The following USP38 variants were observed in gnomAD, a reference collection of about 807,000 sequenced individuals.
USP38 encodes ubiquitin specific peptidase 38.
Under a neutral mutation model 94.3 loss-of-function variants are expected in USP38, and 49 were observed. The ratio of observed to expected loss-of-function variants is 0.52; its 90% CI spans 0.41 to 0.66. The LOEUF is 0.66. Ranked by LOEUF, USP38 falls within the 30% of genes least tolerant of loss-of-function variation. The probability of loss-of-function intolerance (pLI) is 0.00; values close to 1 mark genes in which losing one functional copy is unlikely to be tolerated. For synonymous variants in USP38, 468 were observed against 463.6 expected (o/e 1.01, Z -0.12); for missense variants, 1,128 against 1,229.4 (o/e 0.92, Z 1.23).
intron 2 of USP38, among the ~76,000 whole-genome samples, chr4:143,188,272 ATTTC>A (rs989924319): frequency 1.3e-5 from 2 of 151,726 alleles, no homozygotes; most frequent in Non-Finnish European, 2.9e-5. Flanking sequence ...CCTGCAACCT[ATTTC>A]TTTCTTCTGC....
chr4:143,211,589 GAA>G (rs1358045361), intron 7 of USP38, among the ~76,000 whole-genome samples: 1 of 152,122 alleles, frequency 6.6e-6, no homozygotes, highest in African/African-American at 2.4e-5. Flanking sequence ...TCTTAACTGA[GAA>G]CTTCATTGTT....
Position 143,197,097 on chromosome 4 carries a change from T to G in USP38, c.949-726T>G, listed in dbSNP as rs75053860. On this transcript the variant is annotated intron_variant, in intron 3 of 9. Coordinates refer to ENST00000307017, the MANE Select transcript of USP38 (RefSeq NM_032557.6). Reference sequence around the variant, plus strand: ...CTTTTTCTCTAGTCCCATTTCCCACTGTTACTGCCTCGGTCTCTTGCTTCA... The same window carrying G: ...CTTTTTCTCTAGTCCCATTTCCCACGGTTACTGCCTCGGTCTCTTGCTTCA... Among the ~76,000 whole-genome samples the G allele has an allele frequency of 1.1e-4, 17 of 152,328 alleles. No homozygotes were observed. In the East Asian group the frequency reaches 3.3e-3, roughly 29 times the overall value.
intron 2 of USP38, among the ~76,000 whole-genome samples, chr4:143,194,978 A>G (rs1160578000): frequency 2.0e-5 from 3 of 151,854 alleles, no homozygotes; most frequent in African/African-American, 7.3e-5. Flanking sequence ...TGAAGCCATT[A>G]CAATATTTAC....
chr4:143,220,173 A>G (rs1436683450), intron 9 of USP38, 122 bp from the exon 10 acceptor site: 1 of 1,125,692 alleles, frequency 8.9e-7, no homozygotes, highest in Non-Finnish European at 1.2e-6. Context: ...TTTAGTTTCA[A>G]AGTTATTGAG....
At chr4:143,217,749 G>A (rs1216060833) in intron 9 of USP38, among the ~76,000 whole-genome samples, 3 of 152,158 alleles carry the variant, frequency 2.0e-5, no homozygotes, top group Admixed American at 2.0e-4. Context: ...GCTCTTTTGA[G>A]TATTGGCAAG....
chr4:143,194,164 T>A (rs1731477639), intron 2 of USP38, among the ~76,000 whole-genome samples: 1 of 152,280 alleles, frequency 6.6e-6, no homozygotes, highest in African/African-American at 2.4e-5. Context: ...TTAGTGTTTA[T>A]ATTTACATTT....
intron 4 of USP38, 133 bp from the exon 5 acceptor site, chr4:143,203,275 C>A: frequency 1.1e-6 from 1 of 898,026 alleles, no homozygotes; most frequent in Non-Finnish European, 1.6e-6. Flanking sequence ...AACTTAATAA[C>A]AAGAAAAACT....
Position 143,185,731 on chromosome 4 carries a change from A to C in USP38, c.281A>C (p.His94Pro). Residue 94 changes from histidine to proline, a missense_variant, in exon 1 of 10, where the codon CAC becomes CCC. By Grantham distance (77) the His-to-Pro change is moderately conservative. Transcript: ENST00000307017. ...TTGGGCCTCCTTCATCAGGGCTACC[A>C]CTCTCTGGACAGGAAGGATGTAGCC... ...FVLGLLHQGYHSLDRKDVAIL... is the reference protein window; with the variant it reads ...FVLGLLHQGYPSLDRKDVAIL... 6.2e-7 allele frequency: 1 copy of C among 1,613,954 alleles called. No homozygotes were observed. Among genetic ancestry groups the C allele is most frequent in the African/African-American group, 1.3e-5 (1 of 74,948 alleles).
intron 6 of USP38, 151 bp downstream of exon 6, chr4:143,206,377 G>A: frequency 2.9e-6 from 2 of 693,726 alleles, no homozygotes; most frequent in South Asian, 3.3e-5. Flanking sequence ...ACTGCTTTTA[G>A]TGCTCAGAAA....
chr4:143,206,112 C>G lies in USP38; in HGVS notation c.1289C>G (p.Ala430Gly), dbSNP rs749548899. The change falls in exon 6 of 10, where the codon GCG becomes GGG. Residue 430 changes from alanine to glycine, a missense_variant. Coordinates refer to ENST00000307017, the MANE Select transcript of USP38 (RefSeq NM_032557.6). ...TGGACTTCTCAATCCAATTCTTTGG[C>G]GTCTTGCTTGTCTAGACTTTCTGGA... is the stretch of plus-strand genomic sequence containing the variant. ...SAWTSQSNSL[A>G]SCLSRLSGKS... 6.2e-7 allele frequency: 1 copy of G among 1,613,600 alleles called. No individual in the cohort carries two copies. Among genetic ancestry groups the G allele is most frequent in the Non-Finnish European group, 8.5e-7 (1 of 1,179,800 alleles).
In USP38 at chr4:143,213,810, G is replaced by A. The variant is rs1370802429; in HGVS notation, c.1834G>A (p.Ala612Thr). 4 of 1,613,834 alleles carry A rather than the reference G, an allele frequency of 2.5e-6. No homozygotes were observed. The highest frequency in any genetic ancestry group is 3.4e-6 in the Non-Finnish European group (4 of 1,179,850). ...CAGGAGTACCTCACAAAAAGTGGAAGCCTTTACAGATCTTTCGCTTGCCTT... is the reference window on the plus strand; with the variant it reads ...CAGGAGTACCTCACAAAAAGTGGAAACCTTTACAGATCTTTCGCTTGCCTT... Reference protein sequence around the residue: ...NCRSTSQKVEAFTDLSLAFCP... With the variant: ...NCRSTSQKVETFTDLSLAFCP... Residue 612 changes from alanine to threonine, a missense_variant, in exon 9 of 10, where the codon GCC becomes ACC. By Grantham distance (58) the Ala-to-Thr change is moderately conservative. Coordinates refer to ENST00000307017, the MANE Select transcript of USP38 (RefSeq NM_032557.6).
At position 143,222,508 on chromosome 4, in the gene USP38, A is replaced by AT. The variant is rs1732351103; in HGVS notation, c.*2058dup. ...GTTATATTGTTTTTTCATTTGTACT[A>AT]TTTTTTATGATATTTATTGGTTTTT... On this transcript the variant is annotated 3_prime_UTR_variant, in exon 10 of 10. Transcript: ENST00000307017. 1 of 151,914 alleles carries AT rather than the reference A, an allele frequency of 6.6e-6. No homozygotes were observed. Among genetic ancestry groups the AT allele is most frequent in the Non-Finnish European group, 1.5e-5 (1 of 67,916 alleles). 9.4% of individuals were successfully genotyped at this position (151,914 alleles called of 1,614,324 possible).
At chr4:143,199,648 T>A (rs1394417613) in intron 4 of USP38, among the ~76,000 whole-genome samples, 1 of 152,164 alleles carries the variant, frequency 6.6e-6, no homozygotes, top group Non-Finnish European at 1.5e-5. Context: ...GCATGTCTTC[T>A]TTTTTGACTT....
chr4:143,221,243 A>C lies in USP38; in HGVS notation c.*787A>C, dbSNP rs1358968744. 6.6e-6 allele frequency: 1 copy of C among 152,604 alleles called. No individual in the cohort carries two copies. Among genetic ancestry groups the C allele is most frequent in the Non-Finnish European group, 1.5e-5 (1 of 68,010 alleles). 9.5% of individuals were successfully genotyped at this position (152,604 alleles called of 1,614,324 possible). A position where few individuals can be genotyped will look rare whatever the true frequency, so the allele number is the denominator to read the frequency against. On this transcript the variant is annotated 3_prime_UTR_variant, in exon 10 of 10. Transcript: ENST00000307017. Reference sequence around the variant, plus strand: ...TGCCTTGCAGTACTGTAATTCAAAAATAGGAATCTTTGGCTGCAAAATTTT... The same window carrying C: ...TGCCTTGCAGTACTGTAATTCAAAACTAGGAATCTTTGGCTGCAAAATTTT...
At chr4:143,198,307 A>G (rs540099924) in intron 4 of USP38, among the ~76,000 whole-genome samples, 2 of 152,308 alleles carry the variant, frequency 1.3e-5, no homozygotes, top group South Asian at 2.1e-4. Flanking sequence ...CTCAGCCTAC[A>G]TCCTACAAAT....
intron 1 of USP38, 44 bp downstream of exon 1, chr4:143,186,176 T>C: frequency 6.4e-7 from 1 of 1,567,834 alleles, no homozygotes; most frequent in Non-Finnish European, 8.7e-7. Flanking sequence ...AAAATCAGTA[T>C]ATGTCTCTCT....
chr4:143,186,162 A>G, intron 1 of USP38, 30 bp downstream of exon 1: 11 of 1,574,654 alleles, frequency 7.0e-6, no homozygotes, highest in Non-Finnish European at 9.6e-6. Flanking sequence ...AGAATATCTC[A>G]TAAAAAATCA....
intron 3 of USP38, among the ~76,000 whole-genome samples, chr4:143,196,959 C>T (rs1470897047): frequency 6.6e-6 from 1 of 152,184 alleles, no homozygotes; most frequent in Non-Finnish European, 1.5e-5. Context: ...TATCCAGAAT[C>T]CTACCACCCT....
Position 143,208,247 on chromosome 4 carries a change from A to G in USP38, c.1404-1317A>G, listed in dbSNP as rs1731926336. On this transcript the variant is annotated intron_variant, in intron 6 of 9. Coordinates refer to ENST00000307017, the MANE Select transcript of USP38 (RefSeq NM_032557.6). The stretch of plus-strand genomic sequence containing the variant: ...ATACTCATTTAATTTAATGAGATTT[A>G]ATAAATAAGTTAAATTAGTATTTAA... Among the ~76,000 whole-genome samples, 3 of 152,118 alleles carry G rather than the reference A, an allele frequency of 2.0e-5. No individual in the cohort carries two copies. In the South Asian group the frequency reaches 6.2e-4, roughly 31 times the overall value.
Sources: allele counts gnomAD v4.1 joint callset (sites outside exome capture counted in the v4.1 genomes callset), GRCh38; gene constraint gnomAD v4.1.1; transcripts MANE v1.5; gene names NCBI Gene and HGNC (gene_info 2026-07-23, HGNC 2026-07-21).